LRRC36: variants seen among roughly 807,000 people sequenced by gnomAD.
The protein encoded by LRRC36 is leucine-rich repeat-containing protein 36.
In LRRC36, 62 loss-of-function variants were observed where a neutral mutation model predicts 81.1. That is an observed-to-expected ratio of 0.76 (90% confidence interval 0.62 to 0.94). LRRC36 has a LOEUF of 0.94. LRRC36 is among the 40% of genes least tolerant of loss of function. The pLI, the probability that LRRC36 is intolerant of heterozygous loss-of-function variation, is 0.00. For synonymous variants in LRRC36, 334 were observed against 348.6 expected (o/e 0.96, Z 0.47); for missense variants, 761 against 881.7 (o/e 0.86, Z 1.73).
chr16:67,334,452 G>C (rs2037659500), intron 1 of LRRC36, among the ~76,000 whole-genome samples: 5 of 152,118 alleles, frequency 3.3e-5, no homozygotes, highest in Admixed American at 3.3e-4. Flanking sequence ...AGCCTCCCAA[G>C]TAGCTGGGAC....
chr16:67,328,683 A>G lies in LRRC36; in HGVS notation c.70+1751A>G, dbSNP rs142971111. Among the ~76,000 whole-genome samples, 342 of 152,244 alleles carry G rather than the reference A, an allele frequency of 2.2e-3. 2 individuals carry two copies. Among genetic ancestry groups the G allele is most frequent in the African/African-American group, 7.9e-3 (327 of 41,534 alleles). ...TATATAAGCATTTATCACTTATTTT[A>G]TAATTTTATATTATGGCAATTTTCA... On this transcript the variant is annotated intron_variant, in intron 1 of 13. Coordinates refer to ENST00000329956, the MANE Select transcript of LRRC36 (RefSeq NM_018296.6).
chr16:67,351,639 G>A (rs1466571864), intron 5 of LRRC36, among the ~76,000 whole-genome samples: 3 of 152,130 alleles, frequency 2.0e-5, no homozygotes, highest in East Asian at 1.9e-4. Context: ...CCCGGGAAGC[G>A]GAGGTTGCAG....
intron 12 of LRRC36, among the ~76,000 whole-genome samples, 199 bp downstream of exon 12, chr16:67,378,911 A>AGC (rs1323813932): frequency 6.6e-6 from 1 of 152,218 alleles, no homozygotes; most frequent in African/African-American, 2.4e-5. Flanking sequence ...TACCAGATGA[A>AGC]GCTCTTGTCA....
chr16:67,329,037 G>A (rs2037346393), intron 1 of LRRC36, among the ~76,000 whole-genome samples: 1 of 152,038 alleles, frequency 6.6e-6, no homozygotes, highest in Non-Finnish European at 1.5e-5. Flanking sequence ...AGCCTCCCAA[G>A]TAGCTGGGAC....
chr16:67,352,583 T>C (rs1398217882), intron 5 of LRRC36, among the ~76,000 whole-genome samples: 3 of 152,138 alleles, frequency 2.0e-5, no homozygotes, highest in African/African-American at 7.2e-5. Flanking sequence ...TCCTGTTTTT[T>C]CTCTTTGCCC....
intron 1 of LRRC36, among the ~76,000 whole-genome samples, chr16:67,338,603 T>C (rs2037871678): frequency 6.6e-6 from 1 of 152,190 alleles, no homozygotes; most frequent in Non-Finnish European, 1.5e-5. Context: ...TCAGAATCTA[T>C]TGGTATATCT....
intron 10 of LRRC36, among the ~76,000 whole-genome samples, chr16:67,376,401 C>T (rs956283932): frequency 1.3e-5 from 2 of 152,182 alleles, no homozygotes; most frequent in African/African-American, 2.4e-5. Context: ...TCTAAAGGGA[C>T]ATACAGAAGA....
At chr16:67,341,311 C>T (rs1322128878) in intron 1 of LRRC36, among the ~76,000 whole-genome samples, 1 of 144,482 alleles carries the variant, frequency 6.9e-6, no homozygotes, top group African/African-American at 2.5e-5. Context: ...AGACTATAGA[C>T]TATAGACTAT....
intron 5 of LRRC36, among the ~76,000 whole-genome samples, chr16:67,361,599 G>A (rs1005457593): frequency 7.2e-5 from 11 of 152,070 alleles, no homozygotes; most frequent in Non-Finnish European, 1.2e-4. Flanking sequence ...TGGAAATGGA[G>A]TCTCACTCTG....
Position 67,370,710 on chromosome 16 carries a change from T to C in LRRC36, c.1196-234T>C, listed in dbSNP as rs569017209. On this transcript the variant is annotated intron_variant, in intron 8 of 13. Coordinates refer to ENST00000329956, the MANE Select transcript of LRRC36 (RefSeq NM_018296.6). ...TACAATAGTGGTCATGAGTTTAAAG[T>C]GAGAAAGGTCAGAACAGATGCGTTT... Among the ~76,000 whole-genome samples, 105 of 151,812 alleles carry C rather than the reference T, an allele frequency of 6.9e-4. 2 individuals are homozygous for C. The highest frequency in any genetic ancestry group is 3.9e-4 in the East Asian group (2 of 5,172).
chr16:67,363,412 C>T (rs1048967544), intron 5 of LRRC36, among the ~76,000 whole-genome samples, 178 bp from the exon 6 acceptor site: 6 of 152,196 alleles, frequency 3.9e-5, no homozygotes, highest in Admixed American at 2.0e-4. Context: ...GTTTTCCAAA[C>T]GAAGTGAGAG....
chr16:67,353,703 C>T (rs2038764453), intron 5 of LRRC36, among the ~76,000 whole-genome samples: 2 of 152,074 alleles, frequency 1.3e-5, no homozygotes, highest in African/African-American at 4.8e-5. Flanking sequence ...AGTCTCTTAC[C>T]AGGCATGGTT....
chr16:67,381,617 C>T (rs1001475544), intron 12 of LRRC36, among the ~76,000 whole-genome samples: 1 of 152,146 alleles, frequency 6.6e-6, no homozygotes, highest in South Asian at 2.1e-4. Context: ...CCAACATGTG[C>T]AATATTTTTT....
Position 67,365,318 on chromosome 16 carries a change from A to C in LRRC36, c.717A>C (p.Ala239=). ...ACTTTTTTTAGACACAGGAAGTAGC[A>C]AGAAGGGAGATGCCAAGTGACAATC... ...FPLGTQTQEV[A]RREMPSDNHQ... The change falls in exon 7 of 14, where the codon GCA becomes GCC. Residue 239 remains alanine (A), a synonymous_variant. Transcript: ENST00000329956. 1.9e-6 allele frequency: 3 copies of C among 1,613,306 alleles called. No homozygotes were observed. The South Asian group carries it at 3.3e-5, about 18-fold the overall frequency.
rs142926243 is a variant in LRRC36, at chr16:67,371,769, G to A, written c.1494+527G>A. The stretch of plus-strand genomic sequence containing the variant: ...GCCTGTAGTGCCAGCTACTCTACTC[G>A]GGAGGCTGAGGCAGGAGACTCACTT... On this transcript the variant is annotated intron_variant, in intron 9 of 13. Transcript: ENST00000329956. 2.0e-3 allele frequency: 352 copies of A among 171,748 alleles called. 2 individuals carry two copies. The highest frequency in any genetic ancestry group is 7.9e-3 in the African/African-American group (332 of 42,164). The allele number at this position is 171,748 out of a possible 1,614,324, so 10.6% of individuals were successfully genotyped here. A position where few individuals can be genotyped will look rare whatever the true frequency, so the allele number is the denominator to read the frequency against.
chr16:67,365,850 A>G (rs1406697792), intron 7 of LRRC36, among the ~76,000 whole-genome samples: 1 of 152,124 alleles, frequency 6.6e-6, no homozygotes, highest in Non-Finnish European at 1.5e-5. Context: ...AATTCTCTAT[A>G]TTTTTAAAGA....
intron 1 of LRRC36, among the ~76,000 whole-genome samples, chr16:67,330,600 G>A (rs1390872130): frequency 6.6e-6 from 1 of 152,060 alleles, no homozygotes; most frequent in East Asian, 1.9e-4. Flanking sequence ...GGTCGTTCAC[G>A]CCTGTAATCC....
chr16:67,346,132 C>A (rs907412267), intron 2 of LRRC36, 124 bp from the exon 3 acceptor site: 27 of 603,122 alleles, frequency 4.5e-5, no homozygotes, highest in Non-Finnish European at 6.7e-5. Flanking sequence ...TCCAGCCCTG[C>A]CTTTCTCACG....
In LRRC36 at chr16:67,363,668, A is replaced by G; in HGVS notation, c.656A>G (p.Asn219Ser). 1 of 1,613,866 alleles carries G rather than the reference A, an allele frequency of 6.2e-7. No homozygotes were observed. Among genetic ancestry groups the G allele is most frequent in the South Asian group, 1.1e-5 (1 of 91,078 alleles). The change falls in exon 6 of 14, where the codon AAT becomes AGT. Residue 219 changes from asparagine to serine, a missense_variant. Around this residue, in one of 3 missense-constraint regions of LRRC36, gnomAD observed 263 missense variants for 279.3 expected, o/e 0.94. Coordinates refer to ENST00000329956, the MANE Select transcript of LRRC36 (RefSeq NM_018296.6). Reference protein sequence around the residue: ...DSLSTSATQGNGTRDQKLDTF... With the variant: ...DSLSTSATQGSGTRDQKLDTF... ...CTAAGTACTTCTGCAACTCAGGGCAATGGTACACGTGATCAGAAATTAGAC... is the reference window on the plus strand; with the variant it reads ...CTAAGTACTTCTGCAACTCAGGGCAGTGGTACACGTGATCAGAAATTAGAC...
Sources: allele counts gnomAD v4.1 joint callset (sites outside exome capture counted in the v4.1 genomes callset), GRCh38; gene constraint gnomAD v4.1.1; regional missense constraint gnomAD v4.1.1; transcripts MANE v1.5; gene names NCBI Gene and HGNC (gene_info 2026-07-23, HGNC 2026-07-21).